Variants in AKNAD1 observed in about 807,000 individuals in gnomAD.
AKNAD1 encodes the protein AKNA domain containing 1, also known as protein AKNAD1.
In AKNAD1, 67 loss-of-function variants were observed where a neutral mutation model predicts 90.8. The ratio of observed to expected loss-of-function variants is 0.74; its 90% confidence interval spans 0.61 to 0.90. The LOEUF (loss-of-function observed/expected upper bound fraction) is 0.90. AKNAD1 is among the 40% of genes least tolerant of loss of function. The pLI is 0.00. For missense variants in AKNAD1, 957 were observed against 975.4 expected (o/e 0.98, Z 0.25); for synonymous variants, 327 against 341.4 (o/e 0.96, Z 0.46).
intron 6 of AKNAD1, among the ~76,000 whole-genome samples, chr1:108,837,974 A>AATATTGT (rs1290923719): frequency 2.6e-5 from 4 of 152,292 alleles, no homozygotes; most frequent in African/African-American, 9.6e-5. Context: ...CTGGGATAAC[A>AATATTGT]ATATTGTACC....
intron 1 of AKNAD1, among the ~76,000 whole-genome samples, chr1:108,853,186 C>T (rs1037963052): frequency 2.1e-5 from 3 of 140,896 alleles, no homozygotes; most frequent in Non-Finnish European, 3.0e-5. Flanking sequence ...GGCTGGAGTG[C>T]GGTGACACAA....
chr1:108,819,653 T>C (rs1663747728), intron 14 of AKNAD1, among the ~76,000 whole-genome samples: 1 of 151,778 alleles, frequency 6.6e-6, no homozygotes, highest in African/African-American at 2.4e-5. Context: ...GCCAGACACC[T>C]GTAATTCCAG....
chr1:108,849,798 T>C (rs1664798897), intron 2 of AKNAD1, among the ~76,000 whole-genome samples: 1 of 152,026 alleles, frequency 6.6e-6, no homozygotes, highest in Non-Finnish European at 1.5e-5. Flanking sequence ...GGCAGGAAAA[T>C]GGGGATAGTA....
intron 14 of AKNAD1, among the ~76,000 whole-genome samples, chr1:108,819,919 C>CAAAAAAAAAAAAAAAAAAAAAAAAAAAA (rs71591113): frequency 7.7e-6 from 1 of 129,066 alleles, no homozygotes. Flanking sequence ...GAATTAACAG[C>CAAAAAAAAAAAAAAAAAAAAAAAAAAAA]AAAAAAAAAA....
rs1287589720 is a variant in AKNAD1, at chr1:108,856,718, T to TAAACACACACACA, written c.-104+210_-104+211insTGTGTGTGTGTTT. 9.7e-4 allele frequency among the ~76,000 whole-genome samples: 138 copies of TAAACACACACACA among 142,928 alleles called. 1 individual carries two copies. Among genetic ancestry groups the TAAACACACACACA allele is most frequent in the Non-Finnish European group, 1.5e-3 (103 of 67,208 alleles). The allele number at this position is 142,928 out of a possible 152,430, so 93.8% of individuals were successfully genotyped here. On this transcript the variant is annotated intron_variant, in intron 1 of 15. Transcript: ENST00000370001. ...AAGACCCTGTCTCTCTCTCTCTCTC[T>TAAACACACACACA]CACACACACATAAACACACACACAC...
chr1:108,837,523 A>G, intron 7 of AKNAD1, 27 bp downstream of exon 7: 1 of 1,591,912 alleles, frequency 6.3e-7, no homozygotes, highest in Non-Finnish European at 8.6e-7. Context: ...TCCTGGCACA[A>G]AATTAGACTG....
At position 108,825,168 on chromosome 1, in the gene AKNAD1, G is replaced by A. The variant is rs550058892; in HGVS notation, c.1937-1480C>T. Among the ~76,000 whole-genome samples, 311 of 151,584 alleles carry A rather than the reference G, an allele frequency of 2.1e-3. 7 individuals carry two copies. Among genetic ancestry groups the A allele is most frequent in the Non-Finnish European group, 3.5e-3 (236 of 67,914 alleles). Reference sequence around the variant, plus strand: ...AGCCCCAGTCAAGCCCTCAGATGACGGCATCCTTGGCTGACAACTTGACCA... The same window carrying A: ...AGCCCCAGTCAAGCCCTCAGATGACAGCATCCTTGGCTGACAACTTGACCA... On this transcript the variant is annotated intron_variant, in intron 11 of 15. Coordinates refer to ENST00000370001, the MANE Select transcript of AKNAD1 (RefSeq NM_152763.5).
intron 1 of AKNAD1, among the ~76,000 whole-genome samples, chr1:108,854,468 T>A (rs1025930155): frequency 6.6e-6 from 1 of 152,174 alleles, no homozygotes; most frequent in Non-Finnish European, 1.5e-5. Context: ...AAAGCTAAAA[T>A]CATATGTTTG....
Position 108,817,171 on chromosome 1 carries a change from T to A in AKNAD1, c.2256A>T (p.Lys752Asn), listed in dbSNP as rs1310764442. 6.2e-7 allele frequency: 1 copy of A among 1,613,714 alleles called. No individual in the cohort carries two copies. Among genetic ancestry groups the A allele is most frequent in the Non-Finnish European group, 8.5e-7 (1 of 1,179,924 alleles). Residue 752 changes from lysine (K) to asparagine (N), a missense_variant, in exon 15 of 16, where the codon AAA (lysine) becomes AAT (asparagine). Coordinates refer to ENST00000370001, the MANE Select transcript of AKNAD1 (RefSeq NM_152763.5). Reference protein sequence around the residue: ...GEHEPTPGKKKLQAFMTYSSD... With the variant: ...GEHEPTPGKKNLQAFMTYSSD... ...AGCTGTAGGTCATGAAAGCCTGAAG[T>A]TTTTTTCTGGAAGACAAAAGCACAT...
chr1:108,848,865 T>C (rs1052435330), intron 4 of AKNAD1, 47 bp downstream of exon 4: 3 of 1,599,192 alleles, frequency 1.9e-6, no homozygotes, highest in Admixed American at 1.8e-5. Flanking sequence ...TTCTCATGTG[T>C]GAATTTGGTT....
intron 1 of AKNAD1, among the ~76,000 whole-genome samples, chr1:108,854,348 C>T (rs1323228232): frequency 1.1e-4 from 16 of 152,212 alleles, no homozygotes; most frequent in Non-Finnish European, 2.4e-4. Flanking sequence ...CAGCTGCTGG[C>T]AGCCTCCCTT....
Position 108,817,129 on chromosome 1 carries a change from G to C in AKNAD1, c.2298C>G (p.Pro766=), listed in dbSNP as rs1482077890. 6.2e-7 allele frequency: 1 copy of C among 1,613,980 alleles called. No individual in the cohort carries two copies. Among genetic ancestry groups the C allele is most frequent in the Admixed American group, 1.7e-5 (1 of 59,998 alleles). Residue 766 remains proline, a synonymous_variant, in exon 15 of 16, where the codon CCC becomes CCG. Coordinates refer to ENST00000370001, the MANE Select transcript of AKNAD1 (RefSeq NM_152763.5). ...TCCTGCAGGAGTAGAAATGGGGTGA[G>C]GGTGTTGCAGGGTCTGAGCTGTAGG... ...FMTYSSDPAT[P]SPHFYSCRIS... is the part of the protein sequence containing the mutation.
At chr1:108,845,610 A>G (rs767115887) in intron 5 of AKNAD1, among the ~76,000 whole-genome samples, 1 of 152,154 alleles carries the variant, frequency 6.6e-6, no homozygotes, top group Non-Finnish European at 1.5e-5. Context: ...CCGTTGCCCC[A>G]TTTGAGTAAC....
In AKNAD1 at chr1:108,817,626, C is replaced by A. The variant is rs750790029; in HGVS notation, c.2250-449G>T. 3.3e-4 allele frequency among the ~76,000 whole-genome samples: 49 copies of A among 150,704 alleles called. 1 individual carries two copies. The highest frequency in any genetic ancestry group is 8.9e-5 in the Non-Finnish European group (6 of 67,722). ...ACGCCATTCTCGTGCCTCAGCCTCC[C>A]GAGTAGCTGGGACTACAGGCGCCCG... On this transcript the variant is annotated intron_variant, in intron 14 of 15. Coordinates refer to ENST00000370001, the MANE Select transcript of AKNAD1 (RefSeq NM_152763.5).
intron 14 of AKNAD1, 27 bp downstream of exon 14, chr1:108,820,518 T>A (rs1333129): frequency 6.8e-7 from 1 of 1,461,484 alleles, no homozygotes; most frequent in Non-Finnish European, 9.6e-7. Flanking sequence ...AGAAATATTT[T>A]GTTACTGATA....
chr1:108,823,575 G>A lies in AKNAD1; in HGVS notation c.2050C>T (p.Pro684Ser). 2 of 1,614,122 alleles carry A rather than the reference G, an allele frequency of 1.2e-6. No homozygotes were observed. Among genetic ancestry groups the A allele is most frequent in the East Asian group, 2.2e-5 (1 of 44,888 alleles). ...CCCAGGTGAGTGTTACCTTTAGTTG[G>A]TTCTTTCCTGCAGGCTCTTCGGGAG... Reference protein sequence around the residue: ...PTSRRACRKEPTKEFHYRYNT... With the variant: ...PTSRRACRKESTKEFHYRYNT... The change falls in exon 12 of 16, where the codon CCA (proline) becomes TCA (serine). Residue 684 changes from proline to serine, a missense_variant. Physicochemically the swap from Pro to Ser is moderately conservative, Grantham distance 74. Coordinates refer to ENST00000370001, the MANE Select transcript of AKNAD1 (RefSeq NM_152763.5).
In AKNAD1 at chr1:108,857,060, TC is replaced by T. The variant is rs1334040976; in HGVS notation, c.-236del. ...TCCACTCAGAATCCAACAGAACCTT[TC>T]TGTAGAATCCAAATTGATTTTCTGA... On this transcript the variant is annotated 5_prime_UTR_variant, in exon 1 of 16. Coordinates refer to ENST00000370001, the MANE Select transcript of AKNAD1 (RefSeq NM_152763.5). The T allele has an allele frequency of 6.6e-6, 1 of 152,226 alleles. No homozygotes were observed. The highest frequency in any genetic ancestry group is 2.4e-5 in the African/African-American group (1 of 41,452). 9.4% of individuals were successfully genotyped at this position (152,226 alleles called of 1,614,324 possible). A position where few individuals can be genotyped will look rare whatever the true frequency, so the allele number is the denominator to read the frequency against.
At chr1:108,830,486 C>T in intron 10 of AKNAD1, 73 bp downstream of exon 10, 1 of 1,436,464 alleles carries the variant, frequency 7.0e-7, no homozygotes, top group Non-Finnish European at 9.7e-7. Flanking sequence ...AGTTGCCGCC[C>T]ACTCTCACTG....
chr1:108,827,537 A>G (rs1317628292), intron 10 of AKNAD1, among the ~76,000 whole-genome samples: 1 of 151,586 alleles, frequency 6.6e-6, no homozygotes, highest in Non-Finnish European at 1.5e-5. Flanking sequence ...AAGACAGGCC[A>G]GGCGCGGTGG....
Sources: allele counts gnomAD v4.1 joint callset (sites outside exome capture counted in the v4.1 genomes callset), GRCh38; gene constraint gnomAD v4.1.1; transcripts MANE v1.5; gene names NCBI Gene and HGNC (gene_info 2026-07-23, HGNC 2026-07-21).